The following DRD3 variants were observed in gnomAD, a reference collection of about 807,000 sequenced individuals.
The protein encoded by DRD3 is D(3) dopamine receptor.
In DRD3, 19 loss-of-function variants were observed where a neutral mutation model predicts 36.3. The ratio of observed to expected loss-of-function variants is 0.52; its 90% CI spans 0.36 to 0.77. DRD3 has a LOEUF of 0.77. DRD3 is among the 30% of genes least tolerant of loss of function. The pLI is 0.00. For synonymous variants in DRD3, 195 were observed against 203.7 expected (o/e 0.96, Z 0.36); for missense variants, 465 against 505.3 (o/e 0.92, Z 0.77).
intron 2 of DRD3, among the ~76,000 whole-genome samples, chr3:114,160,259 T>G (rs902723729): frequency 3.9e-5 from 6 of 152,198 alleles, no homozygotes; most frequent in African/African-American, 1.4e-4. Flanking sequence ...TTTATTTTAT[T>G]TTTTGAGATG....
intron 5 of DRD3, among the ~76,000 whole-genome samples, chr3:114,135,585 A>G (rs1003914110): frequency 1.3e-5 from 2 of 152,184 alleles, no homozygotes; most frequent in Non-Finnish European, 1.5e-5. Flanking sequence ...TTTGGTTTTT[A>G]GTTTGATGGC....
At chr3:114,179,157 A>G (rs1241669029), upstream of DRD3, 1 of 152,158 alleles carries the variant, frequency 6.6e-6, no homozygotes, top group Non-Finnish European at 1.5e-5. Context: ...TTTCTCTTGA[A>G]TAACTCTCAC....
intron 1 of DRD3, among the ~76,000 whole-genome samples, chr3:114,193,258 G>A (rs1044483500): frequency 1.6e-4 from 24 of 152,222 alleles, no homozygotes; most frequent in African/African-American, 5.8e-4. Context: ...CAGCCTGGGC[G>A]ACAGAGTGAG....
chr3:114,149,539 G>A (rs2630347), intron 3 of DRD3, among the ~76,000 whole-genome samples: 110,485 of 152,164 alleles, frequency 0.73, 43,819 homozygotes, highest in Non-Finnish European at 0.87. Flanking sequence ...TTTCTGCCAC[G>A]TATAATCCCC....
upstream of DRD3, among the ~76,000 whole-genome samples, chr3:114,182,038 T>G (rs370951670): frequency 3.6e-4 from 55 of 152,308 alleles, no homozygotes; most frequent in African/African-American, 1.3e-3. Context: ...CTGGAAGATT[T>G]GATTATCATG....
rs1168489080 is a variant in DRD3 at position 114,187,039 on chromosome 3, G to C, written c.-155-8263C>G. 3.9e-5 allele frequency among the ~76,000 whole-genome samples: 6 copies of C among 152,204 alleles called. No individual in the cohort carries two copies. In the South Asian group the frequency reaches 1.0e-3, roughly 26 times the overall value. On this transcript the variant is annotated intron_variant, in intron 1 of 7. Coordinates refer to the DRD3 transcript ENST00000460779. The stretch of plus-strand genomic sequence containing the variant: ...TGCCTGGAGACTCTAGACTGGGTGA[G>C]ACATGTTTCAACTGTTTTATTCTAG...
chr3:114,188,218 T>C (rs568358230), intron 1 of DRD3, among the ~76,000 whole-genome samples: 1 of 146,076 alleles, frequency 6.8e-6, no homozygotes, highest in East Asian at 2.0e-4. Flanking sequence ...CCCTTTTTTT[T>C]TTTTTTTTTT....
intron 1 of DRD3, among the ~76,000 whole-genome samples, chr3:114,197,229 A>G (rs939986628): frequency 1.7e-4 from 26 of 150,328 alleles, no homozygotes; most frequent in Middle Eastern, 3.5e-3. Context: ...CCCCGGCCTA[A>G]GCATCCTGAG....
intron 5 of DRD3, among the ~76,000 whole-genome samples, chr3:114,133,983 C>G (rs2077454161): frequency 6.6e-6 from 1 of 152,140 alleles, no homozygotes; most frequent in African/African-American, 2.4e-5. Flanking sequence ...CATTCAATGT[C>G]CAGTGTGTTA....
chr3:114,177,131 G>A (rs977633907), intron 1 of DRD3, among the ~76,000 whole-genome samples: 1 of 152,178 alleles, frequency 6.6e-6, no homozygotes, highest in Non-Finnish European at 1.5e-5. Flanking sequence ...TTCAGAGTAT[G>A]TGAACATGTC....
At chr3:114,165,987 AT>A (rs57837932) in intron 2 of DRD3, among the ~76,000 whole-genome samples, 40,873 of 112,332 alleles carry the variant, frequency 0.36, 6,676 homozygotes, top group Non-Finnish European at 0.45. Flanking sequence ...AACAGTTTGT[AT>A]TTTTTTTTTT....
chr3:114,156,757 T>G lies in DRD3; in HGVS notation c.383+2998A>C, dbSNP rs868704764. 1.8e-3 allele frequency among the ~76,000 whole-genome samples: 184 copies of G among 102,902 alleles called. 1 individual carries two copies. The highest frequency in any genetic ancestry group is 6.1e-3 in the African/African-American group (172 of 28,158). The allele number at this position is 102,902 out of a possible 152,430, so 67.5% of individuals were successfully genotyped here. A position where few individuals can be genotyped will look rare whatever the true frequency, so the allele number is the denominator to read the frequency against. On this transcript the variant is annotated intron_variant, in intron 3 of 6. Transcript: ENST00000383673. The stretch of plus-strand genomic sequence containing the variant: ...TCTTTCTTTCTTTTTCTTTCTTTCT[T>G]TCTTTCTTTCTTTCTTTCTTTCTTT...
chr3:114,182,286 G>T (rs2077952239), upstream of DRD3, among the ~76,000 whole-genome samples: 1 of 152,138 alleles, frequency 6.6e-6, no homozygotes, highest in Non-Finnish European at 1.5e-5. Flanking sequence ...TCATTCTGCT[G>T]CTGTAATACA....
chr3:114,160,768 A>AATG (rs1284831472), intron 2 of DRD3, among the ~76,000 whole-genome samples: 2 of 152,204 alleles, frequency 1.3e-5, no homozygotes, highest in Non-Finnish European at 2.9e-5. Context: ...AGTCTGTGCC[A>AATG]ATGTGACTGC....
At chr3:114,148,002 T>C (rs758150432) in intron 3 of DRD3, among the ~76,000 whole-genome samples, 5 of 152,080 alleles carry the variant, frequency 3.3e-5, no homozygotes, top group African/African-American at 4.8e-5. Context: ...TTGATACATA[T>C]AGCATGAGAA....
At chr3:114,140,234 C>T (rs369534655) in intron 4 of DRD3, among the ~76,000 whole-genome samples, 4 of 152,284 alleles carry the variant, frequency 2.6e-5, no homozygotes, top group Middle Eastern at 3.4e-3. Flanking sequence ...GGGCAGATGG[C>T]GGCTGAATAC....
At chr3:114,194,048 C>A (rs572357551) in intron 1 of DRD3, among the ~76,000 whole-genome samples, 30 of 152,248 alleles carry the variant, frequency 2.0e-4, no homozygotes, top group Middle Eastern at 3.4e-3. Context: ...ATTTTTAATT[C>A]ATAAAATATG....
chr3:114,198,800 T>C (rs1307035657), intron 1 of DRD3, among the ~76,000 whole-genome samples: 3 of 152,090 alleles, frequency 2.0e-5, no homozygotes, highest in South Asian at 2.1e-4. Flanking sequence ...TATAGTGGCA[T>C]GATCATACCT....
Position 114,158,099 on chromosome 3 carries a change from T to C in DRD3, c.383+1656A>G, listed in dbSNP as rs576058022. Among the ~76,000 whole-genome samples, 8 of 151,048 alleles carry C rather than the reference T, an allele frequency of 5.3e-5. No homozygotes were observed. In the East Asian group the frequency reaches 1.2e-3, roughly 22 times the overall value. On this transcript the variant is annotated intron_variant, in intron 3 of 6. Coordinates refer to ENST00000383673, the MANE Select transcript of DRD3 (RefSeq NM_000796.6). ...CCTGGACAACAAAAGTGAAACTCCA[T>C]CTCAAAAAAAGAAAAAAGAAAAAAA...
Sources: gnomAD v4.1 joint callset for allele counts (sites outside exome capture counted in the v4.1 genomes callset) on GRCh38, gnomAD v4.1.1 for gene constraint, MANE v1.5 for transcripts, NCBI Gene and HGNC (gene_info 2026-07-23, HGNC 2026-07-21) for gene names.